Variants in UNC80 observed in about 807,000 individuals in gnomAD.
The protein encoded by UNC80 is unc-80 subunit of NALCN channel complex.
UNC80 carries 164 observed loss-of-function variants against 384.6 expected under a neutral mutation model. The ratio of observed to expected loss-of-function variants is 0.43; its 90% CI spans 0.38 to 0.49. The LOEUF (loss-of-function observed/expected upper bound fraction) is 0.49, where lower values mean the gene tolerates loss of function less well. Among genes scored for constraint, UNC80 ranks in the 20% least tolerant of loss-of-function variants. The probability of loss-of-function intolerance (pLI) is 0.00; values close to 1 mark genes in which losing one functional copy is unlikely to be tolerated. For missense variants in UNC80, 3,330 were observed against 4,143.0 expected (o/e 0.80, Z 5.39); for synonymous variants, 1,486 against 1,527.8 (o/e 0.97, Z 0.64).
At chr2:209,856,728 T>C (rs2082946829) in intron 22 of UNC80, among the ~76,000 whole-genome samples, 1 of 151,954 alleles carries the variant, frequency 6.6e-6, no homozygotes, top group African/African-American at 2.4e-5. Context: ...CTTATAAGCA[T>C]GATGTAATTC....
At chr2:209,854,169 G>A (rs1234060387) in intron 22 of UNC80, among the ~76,000 whole-genome samples, 1 of 151,954 alleles carries the variant, frequency 6.6e-6, no homozygotes, top group Non-Finnish European at 1.5e-5. Context: ...TCCTTTCAAG[G>A]AGATAGGAAT....
In UNC80 at chr2:209,941,228, G is replaced by A; in HGVS notation, c.6654G>A (p.Lys2218=). The change falls in exon 44 of 65, where the codon AAG becomes AAA. Residue 2218 remains lysine, a synonymous_variant. Transcript: ENST00000673920. ...TGTTTCATGTTCTCACAGCTGGAAAGGAACTGTTTGGCCTCGACACTCTTC... is the reference window on the plus strand; with the variant it reads ...TGTTTCATGTTCTCACAGCTGGAAAAGAACTGTTTGGCCTCGACACTCTTC... The part of the protein sequence containing the change: ...FSLFSDPQAG[K]ELFGLDTLQK... 6.6e-7 allele frequency: 1 copy of A among 1,507,994 alleles called. No homozygotes were observed. Among genetic ancestry groups the A allele is most frequent in the South Asian group, 1.3e-5 (1 of 78,524 alleles). 93.4% of individuals were successfully genotyped at this position (1,507,994 alleles called of 1,614,324 possible). A position where few individuals can be genotyped will look rare whatever the true frequency, so the allele number is the denominator to read the frequency against.
intron 14 of UNC80, 117 bp downstream of exon 14, chr2:209,826,170 T>C: frequency 2.5e-6 from 3 of 1,177,440 alleles, no homozygotes; most frequent in Non-Finnish European, 3.4e-6. Flanking sequence ...TTTGTAGGAA[T>C]AATTAATGCT....
Position 209,840,570 on chromosome 2 carries a change from A to G in UNC80, c.3279A>G (p.Ser1093=). The change falls in exon 20 of 65, where the codon TCA becomes TCG. Residue 1093 remains serine (S), a synonymous_variant. Transcript: ENST00000673920. Reference sequence around the variant, plus strand: ...ACTGGCTGAAGAGATCATCCCTCTCAGGCCTGGCAGATGGTGTGGAGGACC... The same window carrying G: ...ACTGGCTGAAGAGATCATCCCTCTCGGGCCTGGCAGATGGTGTGGAGGACC... ...IGNWLKRSSL[S]GLADGVEDLL... 2 of 1,551,848 alleles carry G rather than the reference A, an allele frequency of 1.3e-6. No individual in the cohort carries two copies. Among genetic ancestry groups the G allele is most frequent in the Non-Finnish European group, 1.7e-6 (2 of 1,146,992 alleles).
chr2:209,955,985 CCA>C (rs2092401444), intron 48 of UNC80, among the ~76,000 whole-genome samples: 1 of 151,710 alleles, frequency 6.6e-6, no homozygotes, highest in Admixed American at 6.6e-5. Context: ...CTCAAGTGAT[CCA>C]CCCACCTCGG....
Position 209,941,508 on chromosome 2 carries a change from C to T in UNC80, c.6915+19C>T. On this transcript the variant is annotated intron_variant, in intron 44 of 64. Transcript: ENST00000673920. Reference sequence around the variant, plus strand: ...GCTGCAGGTGCCCAGAACCTCCTCTCCCAACCAGAAAATTAACATGAGTAC... The same window carrying T: ...GCTGCAGGTGCCCAGAACCTCCTCTTCCAACCAGAAAATTAACATGAGTAC... 6.6e-7 allele frequency: 1 copy of T among 1,517,372 alleles called. No homozygotes were observed. The allele number at this position is 1,517,372 out of a possible 1,614,324, so 94.0% of individuals were successfully genotyped here.
chr2:209,964,827 G>A (rs1224772997), intron 51 of UNC80, among the ~76,000 whole-genome samples: 3 of 149,140 alleles, frequency 2.0e-5, no homozygotes, highest in East Asian at 3.9e-4. Flanking sequence ...GGGGGAAATC[G>A]ACATATTAAA....
chr2:209,816,810 C>G (rs2079775185), intron 9 of UNC80, 99 bp from the exon 10 acceptor site: 1 of 1,095,664 alleles, frequency 9.1e-7, no homozygotes, highest in Non-Finnish European at 1.3e-6. Flanking sequence ...CTTCCTGGCA[C>G]ATTTCTTGTA....
chr2:209,835,052 A>C, intron 18 of UNC80, 42 bp downstream of exon 18: 2 of 1,417,014 alleles, frequency 1.4e-6, no homozygotes, highest in Non-Finnish European at 1.9e-6. Context: ...ACGGCTATGC[A>C]CTTCACTCTG....
chr2:209,842,542 T>G, intron 21 of UNC80, 96 bp downstream of exon 21: 1 of 887,202 alleles, frequency 1.1e-6, no homozygotes, highest in Non-Finnish European at 1.7e-6. Flanking sequence ...TTTCATTGGT[T>G]TTTCATTCAT....
intron 5 of UNC80, among the ~76,000 whole-genome samples, chr2:209,788,394 G>T (rs1254529007): frequency 6.8e-6 from 1 of 147,832 alleles, no homozygotes; most frequent in Non-Finnish European, 1.5e-5. Flanking sequence ...TCCAGCCTGG[G>T]CAACAAGAGC....
At chr2:209,987,480 C>G (rs571855629) in intron 61 of UNC80, among the ~76,000 whole-genome samples, 3 of 152,216 alleles carry the variant, frequency 2.0e-5, no homozygotes, top group African/African-American at 7.2e-5. Context: ...TATAGAAATT[C>G]ATTGTAGATG....
chr2:209,810,964 G>A (rs2153827066), intron 7 of UNC80, among the ~76,000 whole-genome samples: 1 of 152,188 alleles, frequency 6.6e-6, no homozygotes, highest in East Asian at 1.9e-4. Flanking sequence ...AGGAAATCCT[G>A]TCATCTGAGG....
At chr2:209,934,953 A>G (rs1215977853) in intron 39 of UNC80, among the ~76,000 whole-genome samples, 1 of 152,226 alleles carries the variant, frequency 6.6e-6, no homozygotes, top group East Asian at 1.9e-4. Flanking sequence ...CTCACTAAAA[A>G]TTGAGGTATA....
Position 209,777,439 on chromosome 2 carries a change from G to C in UNC80, c.480G>C (p.Gln160His). The change falls in exon 4 of 65, where the codon CAG (glutamine) becomes CAC (histidine). Residue 160 changes from glutamine (Q) to histidine (H), a missense_variant. By Grantham distance (24) the Gln-to-His change is conservative. This residue lies in a region of UNC80 where 937 missense variants were observed against 1,026.8 expected (regional missense o/e 0.91). Transcript: ENST00000673920. ...HQVENQGSPG[Q>H]PCQSSSNDEE... ...TTGAAAACCAGGGTTCTCCAGGGCA[G>C]CCTTGCCAAAGCAGCTCTAATGACG... 1 of 1,614,196 alleles carries C rather than the reference G, an allele frequency of 6.2e-7. No individual in the cohort carries two copies. Among genetic ancestry groups the C allele is most frequent in the Non-Finnish European group, 8.5e-7 (1 of 1,180,042 alleles).
At chr2:209,810,960 T>C (rs1420731328) in intron 7 of UNC80, among the ~76,000 whole-genome samples, 3 of 151,864 alleles carry the variant, frequency 2.0e-5, no homozygotes, top group Non-Finnish European at 4.4e-5. Context: ...GGGAAGGAAA[T>C]CCTGTCATCT....
chr2:209,773,527 G>A (rs925378951), intron 2 of UNC80, among the ~76,000 whole-genome samples: 2 of 152,190 alleles, frequency 1.3e-5, no homozygotes, highest in African/African-American at 4.8e-5. Context: ...AAGGGGAAGG[G>A]AGGGAAGGAC....
In UNC80 at chr2:209,969,882, T is replaced by C; in HGVS notation, c.8121T>C (p.Cys2707=). ...LPHLRSLINV[C]VNLVMGVVGP... ...ACCTTAGGTCACTGATCAATGTCTG[T>C]GTCAATCTGGTGAGTAGCCAAGTGG... The change falls in exon 53 of 65, where the codon TGT becomes TGC. Residue 2707 remains cysteine (C), a synonymous_variant. Coordinates refer to ENST00000673920, the MANE Select transcript of UNC80 (RefSeq NM_001371986.1). 1 of 1,551,810 alleles carries C rather than the reference T, an allele frequency of 6.4e-7. No individual in the cohort carries two copies. Among genetic ancestry groups the C allele is most frequent in the Non-Finnish European group, 8.7e-7 (1 of 1,146,980 alleles).
At chr2:209,878,143 A>G in intron 24 of UNC80, 54 bp downstream of exon 24, 2 of 1,456,310 alleles carry the variant, frequency 1.4e-6, no homozygotes, top group Non-Finnish European at 1.8e-6. Flanking sequence ...CCTCTGCTTT[A>G]GGAGCACTTA....
Sources: gnomAD v4.1 joint callset for allele counts (sites outside exome capture counted in the v4.1 genomes callset) on GRCh38, gnomAD v4.1.1 for gene constraint, gnomAD v4.1.1 regional missense constraint, MANE v1.5 for transcripts, NCBI Gene and HGNC (gene_info 2026-07-23, HGNC 2026-07-21) for gene names.